DDX31: variants seen among roughly 807,000 people sequenced by gnomAD.
DDX31 encodes ATP-dependent DNA helicase DDX31.
In DDX31, 70 loss-of-function variants were observed where a neutral mutation model predicts 91.3. The ratio of observed to expected loss-of-function variants is 0.77; its 90% CI spans 0.63 to 0.94. The LOEUF is 0.94. DDX31 is among the 40% of genes least tolerant of loss of function. The pLI, the probability that DDX31 is intolerant of heterozygous loss-of-function variation, is 0.00. For missense variants in DDX31, 902 were observed against 925.0 expected (o/e 0.98, Z 0.32); for synonymous variants, 362 against 350.6 (o/e 1.03, Z -0.36).
chr9:132,649,170 G>T (rs1834025986), intron 9 of DDX31, among the ~76,000 whole-genome samples: 1 of 151,996 alleles, frequency 6.6e-6, no homozygotes, highest in South Asian at 2.1e-4. Context: ...TCAAACTCCT[G>T]GTCTTAAGTC....
intron 14 of DDX31, chr9:132,637,733 C>T (rs531553583): frequency 1.8e-5 from 14 of 798,358 alleles, no homozygotes; most frequent in East Asian, 1.3e-4. Context: ...TGGCTGGAGC[C>T]GCCAAAAAAC....
At chr9:132,654,903 G>GCCACT (rs1353568975) in intron 6 of DDX31, among the ~76,000 whole-genome samples, 1 of 137,764 alleles carries the variant, frequency 7.3e-6, no homozygotes, top group Admixed American at 8.1e-5. Flanking sequence ...CCGAGATTAC[G>GCCACT]CCACTCCACT....
chr9:132,643,792 G>A (rs1833648259), intron 13 of DDX31, among the ~76,000 whole-genome samples: 1 of 152,030 alleles, frequency 6.6e-6, no homozygotes, highest in Non-Finnish European at 1.5e-5. Context: ...CCAGTCTGCT[G>A]CACGGTCTTT....
Position 132,595,045 on chromosome 9 carries a change from T to C in DDX31, c.2062A>G (p.Ser688Gly), listed in dbSNP as rs1478373661. The C allele has an allele frequency of 1.2e-6, 2 of 1,614,126 alleles. No individual in the cohort carries two copies. Among genetic ancestry groups the C allele is most frequent in the African/African-American group, 1.3e-5 (1 of 74,950 alleles). ...LAEILRSEYS[S>G]GMEADIAKVK... ...TTGGCGATGTCGGCCTCCATGCCGC[T>C]TGAGTATTCCGAACGTAGGATTTCA... Residue 688 changes from serine to glycine, a missense_variant, in exon 20 of 20, where the codon AGC (serine) becomes GGC (glycine). Coordinates refer to ENST00000372159, the MANE Select transcript of DDX31 (RefSeq NM_022779.9). This position sits in a 1 kb window ranked among gnomAD's most constrained non-coding sequence, Gnocchi z 4.6.
intron 13 of DDX31, among the ~76,000 whole-genome samples, chr9:132,644,783 A>C (rs1833718446): frequency 6.6e-6 from 1 of 152,230 alleles, no homozygotes; most frequent in Non-Finnish European, 1.5e-5. Context: ...GTATTAAATA[A>C]ATAAAACCAA....
chr9:132,596,844 A>G (rs532370387), intron 19 of DDX31, among the ~76,000 whole-genome samples: 3 of 152,144 alleles, frequency 2.0e-5, no homozygotes, highest in Admixed American at 6.5e-5. Flanking sequence ...CAGGCAAGTG[A>G]GTAGGGAGTG....
intron 16 of DDX31, among the ~76,000 whole-genome samples, chr9:132,628,574 T>C (rs953766979): frequency 6.6e-6 from 1 of 152,226 alleles, no homozygotes; most frequent in Non-Finnish European, 1.5e-5. Context: ...TCTACTTGAA[T>C]GTGTTATTAG....
In DDX31 at chr9:132,611,359, T is replaced by C. The variant is rs187786491; in HGVS notation, c.1994+728A>G. Among the ~76,000 whole-genome samples, 157 of 152,246 alleles carry C rather than the reference T, an allele frequency of 1.0e-3. 1 individual carries two copies. Among genetic ancestry groups the C allele is most frequent in the Non-Finnish European group, 6.3e-4 (43 of 68,018 alleles). On this transcript the variant is annotated intron_variant, in intron 19 of 19. Transcript: ENST00000372159. ...TCTGACATGAGTGGCTCACAGGGCC[T>C]CACGCGCTCTGGCTCCTGTGAGGGC...
chr9:132,620,663 T>C (rs1274165914), intron 17 of DDX31, among the ~76,000 whole-genome samples: 35 of 152,074 alleles, frequency 2.3e-4, no homozygotes, highest in Non-Finnish European at 2.9e-5. Flanking sequence ...CTCTTGAGAA[T>C]GAATGAGGTA....
intron 14 of DDX31, chr9:132,638,258 GA>G (rs780435598): frequency 1.6e-5 from 26 of 1,599,836 alleles, no homozygotes; most frequent in Non-Finnish European, 2.2e-5. Context: ...AGGTGGCTTA[GA>G]AACTCCATTT....
intron 19 of DDX31, among the ~76,000 whole-genome samples, chr9:132,610,635 C>CTT (rs200564919): frequency 1.4e-4 from 20 of 147,912 alleles, no homozygotes; most frequent in East Asian, 3.9e-4. Context: ...GTCACCTCAT[C>CTT]TTTTTTTTTT....
Position 132,595,250 on chromosome 9 carries a change from G to T in DDX31, c.1995-138C>A. The T allele has an allele frequency of 9.4e-7, 1 of 1,064,094 alleles. No homozygotes were observed. Among genetic ancestry groups the T allele is most frequent in the Non-Finnish European group, 1.3e-6 (1 of 756,850 alleles). The allele number at this position is 1,064,094 out of a possible 1,614,324, so 65.9% of individuals were successfully genotyped here. A position where few individuals can be genotyped will look rare whatever the true frequency, so the allele number is the denominator to read the frequency against. ...TAACAGAAGTACAATCCCTTCAATA[G>T]TACTTGTTTTGATATTCGATGCACC... On this transcript the variant is annotated intron_variant, in intron 19 of 19. Coordinates refer to ENST00000372159, the MANE Select transcript of DDX31 (RefSeq NM_022779.9). The surrounding 1 kb of genome is among the most constrained non-coding windows in gnomAD (Gnocchi z 4.6).
intron 5 of DDX31, 87 bp downstream of exon 5, chr9:132,659,623 C>T: frequency 1.5e-6 from 2 of 1,373,078 alleles, no homozygotes; most frequent in South Asian, 2.5e-5. Flanking sequence ...CTGCCACCAC[C>T]ACCAACCCAG....
chr9:132,597,694 C>T (rs1830514784), intron 19 of DDX31, among the ~76,000 whole-genome samples: 2 of 152,186 alleles, frequency 1.3e-5, no homozygotes. Flanking sequence ...CGCCCGTGCT[C>T]CCAGGCTGCC....
chr9:132,641,117 T>A (rs1833477470), intron 14 of DDX31, among the ~76,000 whole-genome samples: 3 of 152,140 alleles, frequency 2.0e-5, no homozygotes, highest in African/African-American at 7.2e-5. Context: ...CATGCTGCAC[T>A]CATACAGAGA....
chr9:132,611,415 G>A (rs1324857852), intron 19 of DDX31, among the ~76,000 whole-genome samples: 1 of 152,174 alleles, frequency 6.6e-6, no homozygotes, highest in Non-Finnish European at 1.5e-5. Context: ...CGTCTTTGAG[G>A]AGAGGAAGAA....
At chr9:132,616,946 A>G (rs2119351960) in intron 18 of DDX31, among the ~76,000 whole-genome samples, 1 of 152,094 alleles carries the variant, frequency 6.6e-6, no homozygotes, top group East Asian at 1.9e-4. Flanking sequence ...TTTCATCTAT[A>G]TTTTCTGGTG....
chr9:132,632,993 A>T (rs1832889981), intron 14 of DDX31, among the ~76,000 whole-genome samples: 1 of 152,158 alleles, frequency 6.6e-6, no homozygotes, highest in Non-Finnish European at 1.5e-5. Context: ...TCGTAACAAG[A>T]GTGTCCCAGC....
At chr9:132,652,693 C>T (rs1834278664) in intron 6 of DDX31, among the ~76,000 whole-genome samples, 1 of 152,020 alleles carries the variant, frequency 6.6e-6, no homozygotes, top group Non-Finnish European at 1.5e-5. Flanking sequence ...AGAATTCCCA[C>T]ATGTTGTAGG....
Sources: allele counts gnomAD v4.1 joint callset (sites outside exome capture counted in the v4.1 genomes callset), GRCh38; gene constraint gnomAD v4.1.1; non-coding constraint Gnocchi (gnomAD v3.1); transcripts MANE v1.5; gene names NCBI Gene and HGNC (gene_info 2026-07-23, HGNC 2026-07-21).